Variants in MARCHF8 observed in about 807,000 individuals in gnomAD.
MARCHF8 encodes E3 ubiquitin-protein ligase MARCHF8.
Under a neutral mutation model 51.6 loss-of-function variants are expected in MARCHF8, and 40 were observed. The observed-to-expected ratio is 0.77, with a 90% CI of 0.60 to 1.01. The LOEUF (loss-of-function observed/expected upper bound fraction) is 1.01, where lower values mean the gene tolerates loss of function less well. MARCHF8 is among the 50% of genes least tolerant of loss of function. MARCHF8 has a pLI of 0.00. For missense variants in MARCHF8, 685 were observed against 708.6 expected, an observed-to-expected ratio of 0.97 and a Z score of 0.38; for synonymous variants, 263 against 280.3, an observed-to-expected ratio of 0.94 and a Z score of 0.62.
chr10:45,592,276 C>T (rs922669808), intron 1 of MARCHF8, among the ~76,000 whole-genome samples: 1 of 152,122 alleles, frequency 6.6e-6, no homozygotes, highest in Admixed American at 6.5e-5. Flanking sequence ...AAGCTGACAA[C>T]AGTCAGATAA....
intron 1 of MARCHF8, among the ~76,000 whole-genome samples, chr10:45,570,685 G>A (rs887945966): frequency 1.4e-4 from 22 of 152,158 alleles, no homozygotes; most frequent in African/African-American, 4.8e-4. Flanking sequence ...TTTCTTTTCA[G>A]AGGCAATATA....
In MARCHF8 at chr10:45,458,011, T is replaced by G; in HGVS notation, c.*228A>C. The G allele has an allele frequency of 1.9e-6, 1 of 535,840 alleles. No individual in the cohort carries two copies. The highest frequency in any genetic ancestry group is 3.0e-5 in the South Asian group (1 of 33,876). 33.2% of individuals were successfully genotyped at this position (535,840 alleles called of 1,614,324 possible). On this transcript the variant is annotated 3_prime_UTR_variant, in exon 8 of 8. Transcript: ENST00000453424. ...GGCTCCCCATGATGTCATCATGGGGTCTTCCACTTTCCCACAGAGCTGCCA... is the reference window on the plus strand; with the variant it reads ...GGCTCCCCATGATGTCATCATGGGGGCTTCCACTTTCCCACAGAGCTGCCA...
chr10:45,491,242 A>G (rs2043074935), intron 2 of MARCHF8, among the ~76,000 whole-genome samples: 1 of 152,184 alleles, frequency 6.6e-6, no homozygotes, highest in Non-Finnish European at 1.5e-5. Flanking sequence ...AGTATGCTCA[A>G]AGTGTTGGGA....
intron 2 of MARCHF8, among the ~76,000 whole-genome samples, chr10:45,509,422 C>T (rs2043452017): frequency 6.6e-6 from 1 of 152,184 alleles, no homozygotes; most frequent in African/African-American, 2.4e-5. Flanking sequence ...TTGTAAACAT[C>T]TTATTCTCCC....
intron 2 of MARCHF8, among the ~76,000 whole-genome samples, chr10:45,508,383 T>C (rs1053331031): frequency 1.4e-4 from 21 of 151,926 alleles, no homozygotes; most frequent in African/African-American, 5.1e-4. Flanking sequence ...TTGTTACTAT[T>C]GATGAAACTG....
At chr10:45,523,824 G>A (rs2043748293) in intron 2 of MARCHF8, among the ~76,000 whole-genome samples, 1 of 152,150 alleles carries the variant, frequency 6.6e-6, no homozygotes, top group Admixed American at 6.5e-5. Flanking sequence ...CCTAGATTAT[G>A]TACACTCTTA....
intron 1 of MARCHF8, among the ~76,000 whole-genome samples, chr10:45,546,657 G>A (rs2044126865): frequency 6.6e-6 from 1 of 151,856 alleles, no homozygotes; most frequent in South Asian, 2.1e-4. Flanking sequence ...GGTGGTGCAT[G>A]CCTGTGGTAT....
chr10:45,573,041 G>T (rs1394634355), intron 1 of MARCHF8, among the ~76,000 whole-genome samples: 1 of 152,076 alleles, frequency 6.6e-6, no homozygotes, highest in Non-Finnish European at 1.5e-5. Flanking sequence ...CATAGTAAAG[G>T]TTAATGCTCC....
chr10:45,468,664 T>C (rs775313882), intron 3 of MARCHF8, among the ~76,000 whole-genome samples: 2 of 152,078 alleles, frequency 1.3e-5, no homozygotes, highest in Admixed American at 1.3e-4. Context: ...TTACAACTCA[T>C]CACAAATTAC....
intron 1 of MARCHF8, among the ~76,000 whole-genome samples, chr10:45,576,339 C>T (rs1475053161): frequency 6.6e-6 from 1 of 152,110 alleles, no homozygotes; most frequent in Non-Finnish European, 1.5e-5. Context: ...CCATCTCACA[C>T]CATGAATAAA....
At chr10:45,537,598 A>G (rs1269453227), upstream of MARCHF8, among the ~76,000 whole-genome samples, 1 of 151,728 alleles carries the variant, frequency 6.6e-6, no homozygotes, top group East Asian at 1.9e-4. Context: ...GGCTACAGTG[A>G]GCCGGTATGG....
intron 2 of MARCHF8, among the ~76,000 whole-genome samples, chr10:45,499,230 C>G (rs1257874889): frequency 6.6e-6 from 1 of 152,192 alleles, no homozygotes; most frequent in Non-Finnish European, 1.5e-5. Context: ...CATATGCCTA[C>G]TAGCCATTTG....
rs1344495741 is a variant in MARCHF8, at chr10:45,456,793, A to G, written c.*1446T>C. ...ACTGGGTTTTAAAAACAGAATTTTA[A>G]GCAGACTTTTTAGAGGGACAAGGCC... is the stretch of plus-strand genomic sequence containing the variant. On this transcript the variant is annotated 3_prime_UTR_variant, in exon 8 of 8. Coordinates refer to ENST00000453424, the MANE Select transcript of MARCHF8 (RefSeq NM_001282866.2). 6.6e-6 allele frequency: 1 copy of G among 152,250 alleles called. No individual in the cohort carries two copies. Among genetic ancestry groups the G allele is most frequent in the Non-Finnish European group, 1.5e-5 (1 of 68,048 alleles). The allele number at this position is 152,250 out of a possible 1,614,324, so 9.4% of individuals were successfully genotyped here. A position where few individuals can be genotyped will look rare whatever the true frequency, so the allele number is the denominator to read the frequency against.
intron 1 of MARCHF8, among the ~76,000 whole-genome samples, chr10:45,550,220 C>T (rs1564513280): frequency 6.6e-6 from 1 of 152,110 alleles, no homozygotes; most frequent in Admixed American, 6.5e-5. Context: ...GAAAAAGGTG[C>T]TCAACTCTAT....
At position 45,565,578 on chromosome 10, in the gene MARCHF8, TA is replaced by T. The variant is rs576321216; in HGVS notation, c.-79+28656del. Reference sequence around the variant, plus strand: ...GGATAAGGATGCAACTGCAAAAAAATAAAAAAAAAAAGTCATTACATGGAAT... The same window carrying T: ...GGATAAGGATGCAACTGCAAAAAAATAAAAAAAAAAGTCATTACATGGAAT... On this transcript the variant is annotated intron_variant, in intron 1 of 6. Transcript: ENST00000319836. Among the ~76,000 whole-genome samples, 1,075 of 122,464 alleles carry T rather than the reference TA, an allele frequency of 8.8e-3. 5 individuals are homozygous for T. The highest frequency in any genetic ancestry group is 0.03 in the African/African-American group (982 of 33,154). The allele number at this position is 122,464 out of a possible 152,430, so 80.3% of individuals were successfully genotyped here.
rs2043956880 is a variant in MARCHF8, at chr10:45,535,344, AC to A, written c.-213del. On this transcript the variant is annotated 5_prime_UTR_variant, in exon 1 of 8. It removes the in-frame stop codon of an upstream open reading frame in the 5' UTR. Coordinates refer to ENST00000453424, the MANE Select transcript of MARCHF8 (RefSeq NM_001282866.2). Reference sequence around the variant, plus strand: ...CCTCTTGGAATACTTGGTCAAACTGACGATATCCACAGCCCTATACCTACCA... The same window carrying A: ...CCTCTTGGAATACTTGGTCAAACTGAGATATCCACAGCCCTATACCTACCA... 1 of 152,350 alleles carries A rather than the reference AC, an allele frequency of 6.6e-6. No homozygotes were observed. The highest frequency in any genetic ancestry group is 2.1e-4 in the South Asian group (1 of 4,828). The allele number at this position is 152,350 out of a possible 1,614,324, so 9.4% of individuals were successfully genotyped here.
At chr10:45,549,360 G>A (rs1442167225) in intron 1 of MARCHF8, among the ~76,000 whole-genome samples, 1 of 152,218 alleles carries the variant, frequency 6.6e-6, no homozygotes, top group East Asian at 1.9e-4. Context: ...TCCATGGGTT[G>A]GCTGGGCAGC....
intron 1 of MARCHF8, among the ~76,000 whole-genome samples, chr10:45,589,817 A>G (rs1474503112): frequency 6.6e-6 from 1 of 152,196 alleles, no homozygotes; most frequent in Non-Finnish European, 1.5e-5. Flanking sequence ...TCATCAGTTG[A>G]TATATGTTTG....
chr10:45,581,732 C>T (rs2133424289), intron 1 of MARCHF8, among the ~76,000 whole-genome samples: 1 of 152,236 alleles, frequency 6.6e-6, no homozygotes, highest in Middle Eastern at 3.4e-3. Context: ...CAGGCCCTTC[C>T]TACTAGGTGC....
Sources: allele counts gnomAD v4.1 joint callset (sites outside exome capture counted in the v4.1 genomes callset), GRCh38; gene constraint gnomAD v4.1.1; transcripts MANE v1.5; gene names NCBI Gene and HGNC (gene_info 2026-07-23, HGNC 2026-07-21).